OPCML: variants seen among roughly 807,000 people sequenced by gnomAD.
OPCML encodes opioid-binding protein/cell adhesion molecule.
In OPCML, 13 loss-of-function variants were observed where a neutral mutation model predicts 37.8. The ratio of observed to expected loss-of-function variants is 0.34; its 90% CI spans 0.22 to 0.55. The LOEUF is 0.55. Among genes scored for constraint, OPCML ranks in the 20% least tolerant of loss-of-function variants. OPCML has a pLI of 0.91. For synonymous variants in OPCML, 176 were observed against 168.8 expected (o/e 1.04, Z -0.33); for missense variants, 341 against 435.6 (o/e 0.78, Z 1.93).
chr11:132,773,917 A>T (rs1946726195), intron 2 of OPCML, among the ~76,000 whole-genome samples: 1 of 152,232 alleles, frequency 6.6e-6, no homozygotes, highest in Admixed American at 6.5e-5. Context: ...AGGGAAGATT[A>T]CTGCACATGC....
At chr11:132,551,768 A>G (rs573110815) in intron 3 of OPCML, among the ~76,000 whole-genome samples, 3 of 152,264 alleles carry the variant, frequency 2.0e-5, no homozygotes, top group Non-Finnish European at 4.4e-5. Flanking sequence ...CCACCAAATT[A>G]TCCTTAAAAA....
chr11:132,525,482 A>C (rs1341574565), intron 4 of OPCML, among the ~76,000 whole-genome samples: 1 of 152,206 alleles, frequency 6.6e-6, no homozygotes, highest in South Asian at 2.1e-4. Flanking sequence ...AGAAAATGTC[A>C]TTGCAACCTT....
At chr11:132,561,206 T>G (rs4341547) in intron 3 of OPCML, among the ~76,000 whole-genome samples, 108,602 of 152,104 alleles carry the variant, frequency 0.71, 39,123 homozygotes, top group African/African-American at 0.79. Context: ...ATCTTCATTT[T>G]GGCTCTTACC....
intron 1 of OPCML, among the ~76,000 whole-genome samples, chr11:133,484,183 G>A (rs1283697475): frequency 1.3e-5 from 2 of 152,144 alleles, no homozygotes; most frequent in African/African-American, 2.4e-5. Flanking sequence ...TAGATAGATA[G>A]ATAGATAGAT....
At chr11:132,959,834 A>G (rs1946054822) in intron 1 of OPCML, among the ~76,000 whole-genome samples, 1 of 152,230 alleles carries the variant, frequency 6.6e-6, no homozygotes, top group African/African-American at 2.4e-5. Context: ...AAAACAACCC[A>G]AATCTGTCTC....
chr11:132,440,407 A>C (rs946358344), intron 4 of OPCML, among the ~76,000 whole-genome samples: 1 of 151,926 alleles, frequency 6.6e-6, no homozygotes, highest in African/African-American at 2.4e-5. Context: ...CGTTTCTGAC[A>C]CATGCCCAGG....
chr11:132,423,213 T>C (rs528836750), intron 7 of OPCML, among the ~76,000 whole-genome samples: 1 of 152,336 alleles, frequency 6.6e-6, no homozygotes, highest in Admixed American at 6.5e-5. Flanking sequence ...TGCAGCCCCA[T>C]TTTCTATGTG....
chr11:133,249,909 G>A (rs773478378), intron 1 of OPCML, among the ~76,000 whole-genome samples: 1 of 152,184 alleles, frequency 6.6e-6, no homozygotes, highest in Non-Finnish European at 1.5e-5. Context: ...ATGGACGATG[G>A]GAGAAGCTAG....
At chr11:133,207,962 T>C (rs918459133) in intron 1 of OPCML, among the ~76,000 whole-genome samples, 2 of 152,140 alleles carry the variant, frequency 1.3e-5, no homozygotes, top group Non-Finnish European at 2.9e-5. Flanking sequence ...CTGAAAAATA[T>C]TTTTCCCTCC....
At position 132,787,993 on chromosome 11, in the gene OPCML, G is replaced by C. The variant is rs190488010; in HGVS notation, c.147-130674C>G. 2.3e-3 allele frequency among the ~76,000 whole-genome samples: 344 copies of C among 152,224 alleles called. 1 individual carries two copies. The highest frequency in any genetic ancestry group is 7.8e-3 in the African/African-American group (326 of 41,558). ...CCTCCTGGGTTCAAGCGCTTCTTCTGCCTCAGCCTCCCGAGTAGCTGGGAC... is the reference window on the plus strand; with the variant it reads ...CCTCCTGGGTTCAAGCGCTTCTTCTCCCTCAGCCTCCCGAGTAGCTGGGAC... On this transcript the variant is annotated intron_variant, in intron 2 of 7. Coordinates refer to ENST00000524381, the MANE Select transcript of OPCML (RefSeq NM_001012393.5).
In OPCML at chr11:132,439,698, A is replaced by ATT. The variant is rs10548500; in HGVS notation, c.506-2341_506-2340dup. 5.1e-3 allele frequency among the ~76,000 whole-genome samples: 752 copies of ATT among 147,726 alleles called. 3 individuals are homozygous for ATT. The highest frequency in any genetic ancestry group is 7.7e-3 in the Non-Finnish European group (514 of 67,082). On this transcript the variant is annotated intron_variant, in intron 4 of 7. Coordinates refer to ENST00000524381, the MANE Select transcript of OPCML (RefSeq NM_001012393.5). ...AAAATGACGTTCCAGACACCTCGCC[A>ATT]TTTTTTTTTTTTTTCCTGAAAGAAA... is the stretch of plus-strand genomic sequence containing the variant.
chr11:133,076,289 C>G (rs576775052), intron 1 of OPCML, among the ~76,000 whole-genome samples: 2 of 152,106 alleles, frequency 1.3e-5, no homozygotes, highest in African/African-American at 4.8e-5. Context: ...AGTTTGTCCC[C>G]CTTCCCTATT....
chr11:132,902,271 G>T (rs942343432), intron 2 of OPCML, among the ~76,000 whole-genome samples: 1 of 152,206 alleles, frequency 6.6e-6, no homozygotes, highest in African/African-American at 2.4e-5. Context: ...GCCCGATGGG[G>T]ATGGGGCTCA....
intron 1 of OPCML, among the ~76,000 whole-genome samples, chr11:133,199,109 G>C (rs1592096198): frequency 1.3e-5 from 2 of 152,072 alleles, no homozygotes; most frequent in Non-Finnish European, 2.9e-5. Context: ...AAACAACGGG[G>C]GGCTCTAGTT....
intron 2 of OPCML, among the ~76,000 whole-genome samples, chr11:132,935,661 T>A (rs573917891): frequency 1.5e-4 from 23 of 152,292 alleles, no homozygotes; most frequent in Non-Finnish European, 2.9e-4. Context: ...GACCAGCAAG[T>A]CAAAGCGAGT....
At chr11:133,040,565 G>A (rs1312833847) in intron 1 of OPCML, among the ~76,000 whole-genome samples, 8 of 152,158 alleles carry the variant, frequency 5.3e-5, no homozygotes, top group South Asian at 2.1e-4. Flanking sequence ...GTCTGAAAAC[G>A]GCTTTACTGA....
chr11:132,639,537 T>C (rs1347229312), intron 3 of OPCML, among the ~76,000 whole-genome samples: 1 of 152,248 alleles, frequency 6.6e-6, no homozygotes, highest in Non-Finnish European at 1.5e-5. Flanking sequence ...TTGTGTTCTA[T>C]GGAACCTAAA....
intron 1 of OPCML, among the ~76,000 whole-genome samples, chr11:132,948,203 T>A (rs1945787196): frequency 6.6e-6 from 1 of 152,154 alleles, no homozygotes. Flanking sequence ...GATGAGTTTA[T>A]TCCTTACAGT....
At chr11:132,787,609 C>T (rs941204747) in intron 2 of OPCML, among the ~76,000 whole-genome samples, 7 of 152,038 alleles carry the variant, frequency 4.6e-5, no homozygotes, top group South Asian at 4.1e-4. Flanking sequence ...GCAAGCTTTA[C>T]ATAGTCCCCG....
Sources: allele counts gnomAD v4.1 joint callset (sites outside exome capture counted in the v4.1 genomes callset), GRCh38; gene constraint gnomAD v4.1.1; transcripts MANE v1.5; gene names NCBI Gene and HGNC (gene_info 2026-07-23, HGNC 2026-07-21).